KIAA1614: variants seen among roughly 807,000 people sequenced by gnomAD.
The protein encoded by KIAA1614 is uncharacterized protein KIAA1614.
In KIAA1614, 76 loss-of-function variants were observed where a neutral mutation model predicts 88.7. That is an observed-to-expected ratio of 0.86 (90% CI 0.71 to 1.04). KIAA1614 has a LOEUF of 1.04. Among genes scored for constraint, KIAA1614 ranks in the 50% least tolerant of loss-of-function variants. The pLI, the probability that KIAA1614 is intolerant of heterozygous loss-of-function variation, is 0.00. For missense variants in KIAA1614, 1,553 were observed against 1,582.5 expected (o/e 0.98, Z 0.32); for synonymous variants, 714 against 675.5 (o/e 1.06, Z -0.88).
intron 3 of KIAA1614, among the ~76,000 whole-genome samples, chr1:180,923,778 C>A (rs982682137): frequency 9.2e-5 from 14 of 152,148 alleles, no homozygotes; most frequent in East Asian, 3.9e-4. Context: ...ACACTCCCAC[C>A]ATCCCAGCAC....
chr1:180,913,347 G>T, intron 1 of KIAA1614, 54 bp downstream of exon 1: 1 of 1,174,564 alleles, frequency 8.5e-7, no homozygotes, highest in Non-Finnish European at 1.1e-6. Context: ...GCGGACCGGC[G>T]GGGCGGAGGA....
Position 180,935,997 on chromosome 1 carries a change from G to C in KIAA1614, c.2088G>C (p.Thr696=), listed in dbSNP as rs376112299. The C allele has an allele frequency of 3.1e-6, 5 of 1,614,100 alleles. No homozygotes were observed. Among genetic ancestry groups the C allele is most frequent in the Non-Finnish European group, 4.2e-6 (5 of 1,179,928 alleles). ...ENEVKEGRGH[T]PEGTLFLRED... is the part of the protein sequence containing the mutation. ...AGGTGAAAGAGGGCAGAGGACACAC[G>C]CCTGAAGGAACTCTATTTTTGAGAG... The change falls in exon 5 of 9, where the codon ACG becomes ACC. Residue 696 remains threonine, a synonymous_variant. Coordinates refer to ENST00000367588, the MANE Select transcript of KIAA1614 (RefSeq NM_020950.2). The surrounding 1 kb of genome is among the most constrained non-coding windows in gnomAD (Gnocchi z 6.1).
At chr1:180,929,851 CGTGGCA>C (rs1553259003) in intron 4 of KIAA1614, among the ~76,000 whole-genome samples, 1 of 152,168 alleles carries the variant, frequency 6.6e-6, no homozygotes, top group Non-Finnish European at 1.5e-5. Flanking sequence ...TGAATCACCA[CGTGGCA>C]GTGGAGGGAG....
chr1:180,921,218 C>CG (rs61341839), intron 3 of KIAA1614, among the ~76,000 whole-genome samples: 99,979 of 148,550 alleles, frequency 0.67, 33,646 homozygotes, highest in Middle Eastern at 0.69. Context: ...CGGGCAGGGG[C>CG]GGGGGGTCAC....
chr1:180,923,963 G>A (rs1317023709), intron 3 of KIAA1614, among the ~76,000 whole-genome samples: 2 of 151,662 alleles, frequency 1.3e-5, no homozygotes, highest in Admixed American at 6.6e-5. Flanking sequence ...CAGCCCCACC[G>A]AGACTAAAGC....
Position 180,945,685 on chromosome 1 carries a change from C to CT in KIAA1614, c.*98dup, listed in dbSNP as rs1191608843. 2.8e-6 allele frequency: 4 copies of CT among 1,438,444 alleles called. No individual in the cohort carries two copies. The East Asian group carries it at 1.1e-4, about 39-fold the overall frequency. 89.1% of individuals were successfully genotyped at this position (1,438,444 alleles called of 1,614,324 possible). A position where few individuals can be genotyped will look rare whatever the true frequency, so the allele number is the denominator to read the frequency against. On this transcript the variant is annotated 3_prime_UTR_variant, in exon 9 of 9. Transcript: ENST00000367588. ...GAATTGTCCAGGGCTCTCTAGGAGT[C>CT]TGCACCTGCAGAGCCTTTGCCCTAG...
At chr1:180,942,856 G>A (rs957834474) in intron 7 of KIAA1614, among the ~76,000 whole-genome samples, 4 of 152,088 alleles carry the variant, frequency 2.6e-5, no homozygotes, top group African/African-American at 4.8e-5. Context: ...CAGGGAGGAT[G>A]AGCAGCAGAG....
chr1:180,915,093 C>T (rs373464481), intron 1 of KIAA1614, among the ~76,000 whole-genome samples: 12 of 152,332 alleles, frequency 7.9e-5, no homozygotes, highest in African/African-American at 1.7e-4. Context: ...TGTGAGCCAC[C>T]GCTCCTGGTC....
In KIAA1614 at chr1:180,948,351, G is replaced by A. The variant is rs1162749791; in HGVS notation, c.*2763G>A. The A allele has an allele frequency of 6.6e-6, 1 of 152,282 alleles. No homozygotes were observed. Among genetic ancestry groups the A allele is most frequent in the Non-Finnish European group, 1.5e-5 (1 of 68,054 alleles). The allele number at this position is 152,282 out of a possible 1,614,324, so 9.4% of individuals were successfully genotyped here. A position where few individuals can be genotyped will look rare whatever the true frequency, so the allele number is the denominator to read the frequency against. On this transcript the variant is annotated 3_prime_UTR_variant, in exon 9 of 9. Transcript: ENST00000367588. ...TTCACATCCGACTCTATATGAGCCTGTGAGAACAGCAGGCTTTGCCTTCTG... is the reference window on the plus strand; with the variant it reads ...TTCACATCCGACTCTATATGAGCCTATGAGAACAGCAGGCTTTGCCTTCTG...
Position 180,920,723 on chromosome 1 carries a change from C to T in KIAA1614, c.1061+2809C>T, listed in dbSNP as rs1222537510. 6.7e-5 allele frequency among the ~76,000 whole-genome samples: 7 copies of T among 104,132 alleles called. No individual in the cohort carries two copies. The East Asian group carries it at 8.1e-4, about 12-fold the overall frequency. 68.3% of individuals were successfully genotyped at this position (104,132 alleles called of 152,430 possible). ...AGGCAGGCTGGGGGCGGGCTGGGGG[C>T]GGGCTGGGGCTGGCCTGGCTTGTGT... On this transcript the variant is annotated intron_variant, in intron 3 of 8. Transcript: ENST00000367588.
intron 2 of KIAA1614, 58 bp downstream of exon 2, chr1:180,917,158 G>C (rs1168245870): frequency 7.2e-7 from 1 of 1,394,054 alleles, no homozygotes; most frequent in Admixed American, 1.9e-5. Flanking sequence ...TCCAGAGGGA[G>C]GAAAAGGGGA....
At position 180,935,237 on chromosome 1, in the gene KIAA1614, G is replaced by T. The variant is rs778433106; in HGVS notation, c.1328G>T (p.Arg443Leu). The T allele has an allele frequency of 1.3e-6, 2 of 1,531,780 alleles. No homozygotes were observed. Among genetic ancestry groups the T allele is most frequent in the South Asian group, 1.3e-5 (1 of 79,940 alleles). The allele number at this position is 1,531,780 out of a possible 1,614,324, so 94.9% of individuals were successfully genotyped here. Residue 443 changes from arginine to leucine, a missense_variant, in exon 5 of 9, where the codon CGG becomes CTG. Physicochemically the swap from Arg to Leu is moderately radical, Grantham distance 102 (BLOSUM62 -2). Coordinates refer to ENST00000367588, the MANE Select transcript of KIAA1614 (RefSeq NM_020950.2). The surrounding 1 kb of genome is among the most constrained non-coding windows in gnomAD (Gnocchi z 6.1). ...TCCAGCGGTGGGCACAGGCCGAGGCGGGGCCCCTCGCCGTCGCACGTGCGC... is the reference window on the plus strand; with the variant it reads ...TCCAGCGGTGGGCACAGGCCGAGGCTGGGCCCCTCGCCGTCGCACGTGCGC... ...GESSGGHRPRRGPSPSHVRFE... is the reference protein window; with the variant it reads ...GESSGGHRPRLGPSPSHVRFE...
intron 6 of KIAA1614, among the ~76,000 whole-genome samples, chr1:180,940,543 C>T (rs1203022121): frequency 6.6e-6 from 1 of 152,074 alleles, no homozygotes; most frequent in East Asian, 1.9e-4. Context: ...ATTGGGTGGG[C>T]TCTGAGCTGA....
chr1:180,935,824 C>G lies in KIAA1614; in HGVS notation c.1915C>G (p.Arg639Gly). ...CTCTCAGGCTGGCTGGGCGTGTGGG[C>G]GGACCCAAGGCAGCAGCCCGCGACT... is the stretch of plus-strand genomic sequence containing the variant. ...GTSQAGWACG[R>G]TQGSSPRLRL... Residue 639 changes from arginine to glycine, a missense_variant, in exon 5 of 9, where the codon CGG becomes GGG. By Grantham distance (125) the Arg-to-Gly change is moderately radical. Coordinates refer to ENST00000367588, the MANE Select transcript of KIAA1614 (RefSeq NM_020950.2). The surrounding 1 kb of genome is among the most constrained non-coding windows in gnomAD (Gnocchi z 6.1). 6.2e-7 allele frequency: 1 copy of G among 1,613,532 alleles called. No individual in the cohort carries two copies. Among genetic ancestry groups the G allele is most frequent in the Non-Finnish European group, 8.5e-7 (1 of 1,179,868 alleles).
Position 180,945,953 on chromosome 1 carries a change from A to C in KIAA1614, c.*365A>C. On this transcript the variant is annotated 3_prime_UTR_variant, in exon 9 of 9. Transcript: ENST00000367588. ...AACCCATGTCTACTAAAAATACAAA[A>C]TTAGCTGGGCGTGGTGGCGCATGCC... 10 of 273,146 alleles carry C rather than the reference A, an allele frequency of 3.7e-5. No individual in the cohort carries two copies. The highest frequency in any genetic ancestry group is 4.0e-5 in the Non-Finnish European group (7 of 174,902). The allele number at this position is 273,146 out of a possible 1,614,324, so 16.9% of individuals were successfully genotyped here. A position where few individuals can be genotyped will look rare whatever the true frequency, so the allele number is the denominator to read the frequency against.
In KIAA1614 at chr1:180,913,103, C is replaced by T. The variant is rs1571278664; in HGVS notation, c.-141C>T. On this transcript the variant is annotated 5_prime_UTR_variant, in exon 1 of 9. Transcript: ENST00000367588. ...CCGGCCTCGGCGCCGTCCCGGACCC[C>T]CAGTCGGCCGCGCCCCGAGGGGCGA... The T allele has an allele frequency of 9.5e-6, 5 of 525,584 alleles. No homozygotes were observed. Among genetic ancestry groups the T allele is most frequent in the Non-Finnish European group, 1.4e-5 (5 of 348,738 alleles). 32.6% of individuals were successfully genotyped at this position (525,584 alleles called of 1,614,324 possible).
intron 6 of KIAA1614, 150 bp downstream of exon 6, chr1:180,938,861 C>T: frequency 1.5e-6 from 1 of 658,418 alleles, no homozygotes; most frequent in Non-Finnish European, 2.6e-6. Context: ...CCTGGCAGCC[C>T]TCCCACTCCT....
At chr1:180,919,404 G>A (rs749404806) in intron 3 of KIAA1614, among the ~76,000 whole-genome samples, 1 of 152,214 alleles carries the variant, frequency 6.6e-6, no homozygotes, top group African/African-American at 2.4e-5. Context: ...GTGTTGAGGA[G>A]CGTGACTACA....
intron 8 of KIAA1614, chr1:180,945,093 C>T (rs376434030): frequency 6.9e-5 from 37 of 537,788 alleles, no homozygotes; most frequent in African/African-American, 6.6e-4. Context: ...TTTCTAGTTC[C>T]ACAGCAGGCC....
Sources: gnomAD v4.1 joint callset for allele counts (sites outside exome capture counted in the v4.1 genomes callset) on GRCh38, gnomAD v4.1.1 for gene constraint, Gnocchi (gnomAD v3.1) non-coding constraint, MANE v1.5 for transcripts, NCBI Gene and HGNC (gene_info 2026-07-23, HGNC 2026-07-21) for gene names.